CNTN5: variants seen among roughly 807,000 people sequenced by gnomAD.
The protein encoded by CNTN5 is contactin-5.
A neutral mutation model predicts 129.1 loss-of-function variants in CNTN5; 77 were observed. The ratio of observed to expected loss-of-function variants is 0.60; its 90% confidence interval spans 0.50 to 0.72. The LOEUF (loss-of-function observed/expected upper bound fraction) is 0.72. Ranked by LOEUF, CNTN5 falls within the 30% of genes least tolerant of loss-of-function variation. The pLI, the probability that CNTN5 is intolerant of heterozygous loss-of-function variation, is 0.00. For synonymous variants in CNTN5, 509 were observed against 465.6 expected, an observed-to-expected ratio of 1.09 and a Z score of -1.20; for missense variants, 1,478 against 1,328.8, an observed-to-expected ratio of 1.11 and a Z score of -1.75.
rs191680846 is a variant in CNTN5 at position 100,072,581 on chromosome 11, G to A, written c.1429+747G>A. Among the ~76,000 whole-genome samples, 115 of 152,200 alleles carry A rather than the reference G, an allele frequency of 7.6e-4. 4 individuals are homozygous for A. The South Asian group carries it at 0.017, about 22-fold the overall frequency. On this transcript the variant is annotated intron_variant, in intron 12 of 24. Coordinates refer to ENST00000524871, the MANE Select transcript of CNTN5 (RefSeq NM_014361.4). ...TACTCACTCATTGTCTTTCCAAAGC[G>A]GGCAGAAGCCCAAGTGTGTTTTCTA... is the stretch of plus-strand genomic sequence containing the variant.
chr11:99,171,911 G>A (rs1861167103), intron 1 of CNTN5, among the ~76,000 whole-genome samples: 1 of 152,040 alleles, frequency 6.6e-6, no homozygotes, highest in Non-Finnish European at 1.5e-5. Context: ...TTTCATTCAG[G>A]AGCAACGGAA....
At position 99,105,135 on chromosome 11, in the gene CNTN5, G is replaced by A. The variant is rs149180223; in HGVS notation, c.-210+83865G>A. The stretch of plus-strand genomic sequence containing the variant: ...TTGAATTGTGACTCTGCACCTACTT[G>A]CTATGTATCCTTAGACGTGAGTGTA... On this transcript the variant is annotated intron_variant, in intron 1 of 24. Coordinates refer to ENST00000524871, the MANE Select transcript of CNTN5 (RefSeq NM_014361.4). Among the ~76,000 whole-genome samples, 203 of 152,222 alleles carry A rather than the reference G, an allele frequency of 1.3e-3. 1 individual carries two copies. Among genetic ancestry groups the A allele is most frequent in the African/African-American group, 4.7e-3 (195 of 41,542 alleles).
chr11:99,383,613 T>C (rs767530731), intron 2 of CNTN5, among the ~76,000 whole-genome samples: 2 of 152,108 alleles, frequency 1.3e-5, no homozygotes, highest in Non-Finnish European at 2.9e-5. Flanking sequence ...TTTTTTCTTT[T>C]GGCATTAAAC....
intron 6 of CNTN5, among the ~76,000 whole-genome samples, chr11:99,878,577 G>A (rs1042783283): frequency 1.3e-5 from 2 of 152,210 alleles, no homozygotes; most frequent in Admixed American, 6.5e-5. Flanking sequence ...GATTATTTAA[G>A]ATGATACCTC....
intron 13 of CNTN5, among the ~76,000 whole-genome samples, chr11:100,138,993 A>T (rs1712817816): frequency 1.3e-5 from 2 of 152,084 alleles, no homozygotes. Flanking sequence ...ATGGGAAAGA[A>T]AGGAATGCAA....
intron 2 of CNTN5, among the ~76,000 whole-genome samples, chr11:99,518,218 C>G (rs1947134215): frequency 6.6e-6 from 1 of 151,972 alleles, no homozygotes; most frequent in Non-Finnish European, 1.5e-5. Flanking sequence ...AGAAAAATAA[C>G]TTAGACTCAT....
At chr11:99,265,925 T>C (rs1031257817) in intron 1 of CNTN5, among the ~76,000 whole-genome samples, 1 of 152,064 alleles carries the variant, frequency 6.6e-6, no homozygotes, top group Non-Finnish European at 1.5e-5. Flanking sequence ...ATTGAATTAC[T>C]GAATTTGAAT....
chr11:99,641,142 A>G (rs1951756365), intron 3 of CNTN5, among the ~76,000 whole-genome samples: 1 of 152,200 alleles, frequency 6.6e-6, no homozygotes, highest in East Asian at 1.9e-4. Flanking sequence ...GCTTGATCGG[A>G]TAATCTTTTT....
At chr11:99,675,403 C>T (rs961935707) in intron 3 of CNTN5, among the ~76,000 whole-genome samples, 10 of 152,112 alleles carry the variant, frequency 6.6e-5, no homozygotes, top group Admixed American at 5.9e-4. Flanking sequence ...AAAATGCAGG[C>T]TGGGTGCGGT....
intron 13 of CNTN5, among the ~76,000 whole-genome samples, chr11:100,143,101 A>G (rs1442252727): frequency 6.6e-6 from 1 of 152,202 alleles, no homozygotes; most frequent in Non-Finnish European, 1.5e-5. Context: ...CAAAATCTGC[A>G]ACACTACTGG....
chr11:99,508,262 A>C (rs1430347404), intron 2 of CNTN5, among the ~76,000 whole-genome samples: 1 of 152,156 alleles, frequency 6.6e-6, no homozygotes, highest in Non-Finnish European at 1.5e-5. Context: ...ATTTGTATAA[A>C]ATACCTAGGT....
chr11:99,099,668 C>T (rs190995990), intron 1 of CNTN5, among the ~76,000 whole-genome samples: 1 of 152,036 alleles, frequency 6.6e-6, no homozygotes, highest in Admixed American at 6.6e-5. Context: ...AGTTAAGTTG[C>T]CTTGAGACCC....
intron 1 of CNTN5, among the ~76,000 whole-genome samples, chr11:99,152,662 T>A (rs563319628): frequency 6.6e-6 from 1 of 152,344 alleles, no homozygotes; most frequent in African/African-American, 2.4e-5. Context: ...AATAGTGATA[T>A]GTGCAGATTT....
intron 6 of CNTN5, among the ~76,000 whole-genome samples, chr11:99,900,604 A>G (rs1322614373): frequency 1.3e-5 from 2 of 151,464 alleles, no homozygotes; most frequent in African/African-American, 4.9e-5. Flanking sequence ...TTTGTTTTCA[A>G]TTTATGTAAT....
At chr11:99,754,007 CAACAACAA>C (rs1944328762) in intron 3 of CNTN5, among the ~76,000 whole-genome samples, 1 of 149,900 alleles carries the variant, frequency 6.7e-6, no homozygotes, top group Non-Finnish European at 1.5e-5. Context: ...AAATAAATAA[CAACAACAA>C]AAAAACAAAA....
intron 7 of CNTN5, among the ~76,000 whole-genome samples, chr11:99,953,956 G>C (rs963385135): frequency 6.6e-6 from 1 of 152,018 alleles, no homozygotes; most frequent in Admixed American, 6.6e-5. Flanking sequence ...TTTTCTTCTA[G>C]GGTTTTTATG....
intron 3 of CNTN5, among the ~76,000 whole-genome samples, chr11:99,566,638 G>T (rs556020119): frequency 6.6e-6 from 1 of 152,266 alleles, no homozygotes; most frequent in South Asian, 2.1e-4. Context: ...AAGAGGATTT[G>T]CAGAAAAGGG....
At chr11:99,829,208 TA>T (rs948474905) in intron 4 of CNTN5, among the ~76,000 whole-genome samples, 3 of 152,334 alleles carry the variant, frequency 2.0e-5, no homozygotes, top group Non-Finnish European at 2.9e-5. Context: ...CTAATCTACT[TA>T]AAAATATTTG....
rs1184813825 is a variant in CNTN5, at chr11:99,799,499, GATC to G, written c.56-20039_56-20037del. Among the ~76,000 whole-genome samples, 11 of 151,990 alleles carry G rather than the reference GATC, an allele frequency of 7.2e-5. No homozygotes were observed. The East Asian group carries it at 1.9e-3, about 27-fold the overall frequency. Reference sequence around the variant, plus strand: ...TCAAATGCTCTTCCTTGTCTTTTGAGATCATCATGTCGTTTTTGTTTTTAATTC... The same window carrying G: ...TCAAATGCTCTTCCTTGTCTTTTGAGATCATGTCGTTTTTGTTTTTAATTC... On this transcript the variant is annotated intron_variant, in intron 3 of 24. Coordinates refer to ENST00000524871, the MANE Select transcript of CNTN5 (RefSeq NM_014361.4).
Sources: gnomAD v4.1 joint callset for allele counts (sites outside exome capture counted in the v4.1 genomes callset) on GRCh38, gnomAD v4.1.1 for gene constraint, MANE v1.5 for transcripts, NCBI Gene and HGNC (gene_info 2026-07-23, HGNC 2026-07-21) for gene names.